BTBD9: variants seen among roughly 807,000 people sequenced by gnomAD.
BTBD9 encodes the protein BTB domain containing 9.
BTBD9 carries 49 observed loss-of-function variants against 64.3 expected under a neutral mutation model. The ratio of observed to expected loss-of-function variants is 0.76; its 90% CI spans 0.61 to 0.97. The LOEUF (loss-of-function observed/expected upper bound fraction) is 0.97. Ranked by LOEUF, BTBD9 falls within the 50% of genes least tolerant of loss-of-function variation. The pLI, the probability that BTBD9 is intolerant of heterozygous loss-of-function variation, is 0.00. For synonymous variants in BTBD9, 260 were observed against 274.7 expected (o/e 0.95, Z 0.53); for missense variants, 598 against 762.1 (o/e 0.78, Z 2.53).
intron 7 of BTBD9, among the ~76,000 whole-genome samples, chr6:38,297,648 G>A (rs928760497): frequency 6.6e-6 from 1 of 151,762 alleles, no homozygotes; most frequent in Non-Finnish European, 1.5e-5. Flanking sequence ...TATTTTTCTG[G>A]TCTCTTGTAA....
At chr6:38,628,040 A>G (rs1450814393) in intron 1 of BTBD9, among the ~76,000 whole-genome samples, 1 of 152,198 alleles carries the variant, frequency 6.6e-6, no homozygotes, top group African/African-American at 2.4e-5. Context: ...AGGCATGCGC[A>G]AAAAGGGTCA....
chr6:38,620,259 C>T (rs1436112761), intron 1 of BTBD9, among the ~76,000 whole-genome samples: 2 of 152,198 alleles, frequency 1.3e-5, no homozygotes, highest in African/African-American at 4.8e-5. Context: ...CCTCTACATT[C>T]AGTTGTACCC....
At chr6:38,284,915 G>A (rs1228211164) in intron 8 of BTBD9, among the ~76,000 whole-genome samples, 18 of 151,824 alleles carry the variant, frequency 1.2e-4, no homozygotes, top group Non-Finnish European at 1.8e-4. Context: ...GAGGCAGGAG[G>A]GTAAGAGAGG....
intron 7 of BTBD9, among the ~76,000 whole-genome samples, chr6:38,318,175 G>A (rs939262996): frequency 6.6e-6 from 1 of 152,136 alleles, no homozygotes; most frequent in Non-Finnish European, 1.5e-5. Flanking sequence ...GATTACAGGC[G>A]TGAGCCACTG....
intron 6 of BTBD9, among the ~76,000 whole-genome samples, chr6:38,427,385 G>T (rs559197458): frequency 1.3e-5 from 2 of 151,926 alleles, no homozygotes; most frequent in Non-Finnish European, 2.9e-5. Context: ...ATTTCATTAG[G>T]TTCTCTGTGA....
At chr6:38,542,643 T>A (rs916512359) in intron 6 of BTBD9, among the ~76,000 whole-genome samples, 5 of 152,130 alleles carry the variant, frequency 3.3e-5, no homozygotes, top group Non-Finnish European at 7.3e-5. Flanking sequence ...TTTATAAATT[T>A]AAGACTTTAA....
intron 9 of BTBD9, among the ~76,000 whole-genome samples, chr6:38,202,049 C>A (rs1049890038): frequency 1.3e-5 from 2 of 149,552 alleles, no homozygotes; most frequent in African/African-American, 2.5e-5. Context: ...CAATCTCCAT[C>A]AAAAATACCA....
At chr6:38,522,568 T>C (rs1186098539) in intron 6 of BTBD9, among the ~76,000 whole-genome samples, 1 of 152,238 alleles carries the variant, frequency 6.6e-6, no homozygotes. Flanking sequence ...TCAAACCAGA[T>C]GTTCTTCAAC....
intron 1 of BTBD9, among the ~76,000 whole-genome samples, chr6:38,621,361 C>A (rs1386682808): frequency 6.6e-6 from 1 of 152,222 alleles, no homozygotes; most frequent in Non-Finnish European, 1.5e-5. Flanking sequence ...TGACTGCCAA[C>A]AAATTGTAGC....
intron 9 of BTBD9, among the ~76,000 whole-genome samples, chr6:38,233,594 G>T (rs558514710): frequency 6.6e-6 from 1 of 152,320 alleles, no homozygotes; most frequent in East Asian, 1.9e-4. Context: ...TATGACTGTG[G>T]CCTTACTTGG....
chr6:38,285,506 T>C (rs752143869), intron 8 of BTBD9, among the ~76,000 whole-genome samples: 2 of 151,762 alleles, frequency 1.3e-5, no homozygotes, highest in South Asian at 4.2e-4. Context: ...AGAACACTGT[T>C]AGATGGTGGC....
chr6:38,443,628 CTCTT>C (rs771762615), intron 6 of BTBD9, among the ~76,000 whole-genome samples: 3 of 152,306 alleles, frequency 2.0e-5, no homozygotes, highest in South Asian at 2.1e-4. Context: ...TGAACACACT[CTCTT>C]TGTCTCTCTC....
chr6:38,580,126 A>G, intron 5 of BTBD9, 92 bp downstream of exon 5: 1 of 1,200,682 alleles, frequency 8.3e-7, no homozygotes, highest in South Asian at 1.5e-5. Context: ...ACAAAGAAAT[A>G]AACCATCATA....
At chr6:38,465,447 C>T (rs1470370592) in intron 6 of BTBD9, among the ~76,000 whole-genome samples, 1 of 129,462 alleles carries the variant, frequency 7.7e-6, no homozygotes, top group African/African-American at 2.9e-5. Flanking sequence ...GAAACCCCAT[C>T]TCTACTAAAA....
At chr6:38,378,976 G>T (rs1765808621) in intron 6 of BTBD9, among the ~76,000 whole-genome samples, 1 of 152,006 alleles carries the variant, frequency 6.6e-6, no homozygotes, top group African/African-American at 2.4e-5. Flanking sequence ...TCTGATGTAG[G>T]GTGACCATAT....
In BTBD9 at chr6:38,505,964, C is replaced by CAACAAAAAAAAAAAAAAAA. The variant is rs1175511241; in HGVS notation, c.1154+71635_1154+71636insTTTTTTTTTTTTTTTTGTT. On this transcript the variant is annotated intron_variant, in intron 6 of 10. Coordinates refer to ENST00000481247, the MANE Select transcript of BTBD9 (RefSeq NM_001099272.2). ...TGGCAACAGCATGGCTCCGTCTCAA[C>CAACAAAAAAAAAAAAAAAA]AAAAAAAAAAAAAAAAAAAAGGAAC... 2.2e-4 allele frequency among the ~76,000 whole-genome samples: 18 copies of CAACAAAAAAAAAAAAAAAA among 82,652 alleles called. 1 individual carries two copies. Among genetic ancestry groups the CAACAAAAAAAAAAAAAAAA allele is most frequent in the African/African-American group, 7.4e-4 (18 of 24,456 alleles). 54.2% of individuals were successfully genotyped at this position (82,652 alleles called of 152,430 possible). A position where few individuals can be genotyped will look rare whatever the true frequency, so the allele number is the denominator to read the frequency against.
At chr6:38,586,242 G>A (rs1012407001) in intron 4 of BTBD9, among the ~76,000 whole-genome samples, 5 of 152,090 alleles carry the variant, frequency 3.3e-5, no homozygotes, top group African/African-American at 1.2e-4. Flanking sequence ...ATGTTTGGCA[G>A]AGGTACAGGT....
chr6:38,315,418 A>C (rs1216947820), intron 7 of BTBD9, among the ~76,000 whole-genome samples: 1 of 151,078 alleles, frequency 6.6e-6, no homozygotes, highest in African/African-American at 2.4e-5. Flanking sequence ...CAGGCACTTA[A>C]CAGCTATAAA....
rs577636253 is a variant in BTBD9 at position 38,624,165 on chromosome 6, C to T, written c.-28+15635G>A. ...GCACCAATCTGCGCTCTGTAAAACG[C>T]GCAAATTAGCAGGATTCTAAAAGGA... On this transcript the variant is annotated intron_variant, in intron 1 of 10. Transcript: ENST00000481247. Among the ~76,000 whole-genome samples the T allele has an allele frequency of 3.3e-5, 5 of 152,246 alleles. No individual in the cohort carries two copies. The East Asian group carries it at 7.7e-4, about 24-fold the overall frequency.
Sources: allele counts gnomAD v4.1 joint callset (sites outside exome capture counted in the v4.1 genomes callset), GRCh38; gene constraint gnomAD v4.1.1; transcripts MANE v1.5; gene names NCBI Gene and HGNC (gene_info 2026-07-23, HGNC 2026-07-21).